Variants in ADPGK observed in about 807,000 individuals in gnomAD.
ADPGK encodes the protein ADP-dependent glucokinase.
ADPGK carries 26 observed loss-of-function variants against 42.4 expected under a neutral mutation model. The ratio of observed to expected loss-of-function variants is 0.61; its 90% CI spans 0.45 to 0.85. The LOEUF is 0.85. Among genes scored for constraint, ADPGK ranks in the 40% least tolerant of loss-of-function variants. ADPGK has a pLI of 0.00. For synonymous variants in ADPGK, 267 were observed against 252.6 expected (o/e 1.06, Z -0.54); for missense variants, 571 against 627.0 (o/e 0.91, Z 0.95).
Position 72,752,187 on chromosome 15 carries a change from G to T in ADPGK, c.*154C>A. ...ATTAGCTAAATTCGGATTAAAATCT[G>T]AAATGTTTTTATGGAGTTGCCAACA... On this transcript the variant is annotated 3_prime_UTR_variant, in exon 7 of 7. Transcript: ENST00000456471. 1.3e-6 allele frequency: 1 copy of T among 786,024 alleles called. No homozygotes were observed. Among genetic ancestry groups the T allele is most frequent in the Non-Finnish European group, 1.9e-6 (1 of 515,056 alleles). The allele number at this position is 786,024 out of a possible 1,614,324, so 48.7% of individuals were successfully genotyped here.
At chr15:72,771,437 G>T (rs577390369) in intron 3 of ADPGK, among the ~76,000 whole-genome samples, 2 of 152,270 alleles carry the variant, frequency 1.3e-5, no homozygotes, top group East Asian at 3.9e-4. Context: ...GACTGCCTGG[G>T]TTAAATTTCT....
intron 2 of ADPGK, among the ~76,000 whole-genome samples, chr15:72,773,129 TG>T (rs1219857439): frequency 7.0e-6 from 1 of 143,230 alleles, no homozygotes; most frequent in Non-Finnish European, 1.5e-5. Flanking sequence ...AAAAAAAGGG[TG>T]GGGGGGAGGT....
rs753606130 is a variant in ADPGK, at chr15:72,774,937, A to G, written c.394T>C (p.Phe132Leu). 4.3e-6 allele frequency: 7 copies of G among 1,614,190 alleles called. No homozygotes were observed. The highest frequency in any genetic ancestry group is 2.2e-5 in the South Asian group (2 of 91,080). ...FMGKGAAAER[F>L]FSDKETFHDI... is the part of the protein sequence containing the mutation. Reference sequence around the variant, plus strand: ...TGAAAAGTTTCCTTATCACTGAAGAAGCGCTCAGCAGCTGCTCCCTTCCCC... The same window carrying G: ...TGAAAAGTTTCCTTATCACTGAAGAGGCGCTCAGCAGCTGCTCCCTTCCCC... Residue 132 changes from phenylalanine (F) to leucine (L), a missense_variant, in exon 2 of 7, where the codon TTC becomes CTC. Around this residue, in one of 2 missense-constraint regions of ADPGK, gnomAD observed 434 missense variants for 522.7 expected, o/e 0.83. Coordinates refer to ENST00000456471, the MANE Select transcript of ADPGK (RefSeq NM_001365225.1).
At position 72,783,709 on chromosome 15, in the gene ADPGK, A is replaced by C. The variant is rs557565556; in HGVS notation, c.-18T>G. On this transcript the variant is annotated 5_prime_UTR_variant, in exon 1 of 7. Transcript: ENST00000456471. ...AGCGCCATGGGGACCCAGGCGCCGC[A>C]CCTGCGCGAACCAACTCCTTTCCTA... 263 of 1,447,488 alleles carry C rather than the reference A, an allele frequency of 1.8e-4. No individual in the cohort carries two copies. The highest frequency in any genetic ancestry group is 2.2e-4 in the Non-Finnish European group (249 of 1,107,100). The allele number at this position is 1,447,488 out of a possible 1,614,324, so 89.7% of individuals were successfully genotyped here. A position where few individuals can be genotyped will look rare whatever the true frequency, so the allele number is the denominator to read the frequency against.
chr15:72,757,953 G>T, intron 4 of ADPGK: 3 of 931,908 alleles, frequency 3.2e-6, no homozygotes, highest in Non-Finnish European at 4.9e-6. Flanking sequence ...GAAGAACCGT[G>T]CAGAGCTGCT....
chr15:72,777,885 C>T (rs2066408884), intron 1 of ADPGK, among the ~76,000 whole-genome samples: 1 of 152,038 alleles, frequency 6.6e-6, no homozygotes, highest in Non-Finnish European at 1.5e-5. Flanking sequence ...CCTAATCATA[C>T]CAGGAATACC....
At chr15:72,757,104 A>ACC (rs2066125144) in intron 4 of ADPGK, 1 of 147,758 alleles carries the variant, frequency 6.8e-6, no homozygotes, top group African/African-American at 2.5e-5. Context: ...TAATCCTACC[A>ACC]CCCCTAAGCA....
Position 72,771,773 on chromosome 15 carries a change from C to T in ADPGK, c.522+10G>A. The T allele has an allele frequency of 6.2e-7, 1 of 1,610,504 alleles. No individual in the cohort carries two copies. Among genetic ancestry groups the T allele is most frequent in the Non-Finnish European group, 8.5e-7 (1 of 1,178,148 alleles). Reference sequence around the variant, plus strand: ...AAAGGCATAGGTTTTAATCTAAAAACTTGACCTACCTTTAAATCTGAGTTG... The same window carrying T: ...AAAGGCATAGGTTTTAATCTAAAAATTTGACCTACCTTTAAATCTGAGTTG... On this transcript the variant is annotated intron_variant, in intron 3 of 6. Transcript: ENST00000456471.
intron 4 of ADPGK, chr15:72,758,338 A>T: frequency 1.6e-6 from 1 of 637,356 alleles, no homozygotes; most frequent in Non-Finnish European, 2.9e-6. Context: ...TCAGCCAGTA[A>T]GTCAGCAAAA....
intron 4 of ADPGK, chr15:72,757,932 G>T: frequency 1.3e-6 from 1 of 744,946 alleles, no homozygotes; most frequent in Non-Finnish European, 2.2e-6. Flanking sequence ...TCTTCTGCAA[G>T]GCAAGGATGA....
intron 3 of ADPGK, among the ~76,000 whole-genome samples, chr15:72,769,139 CTG>C (rs141315782): frequency 1.5e-3 from 231 of 152,196 alleles, no homozygotes; most frequent in Non-Finnish European, 2.5e-3. Flanking sequence ...TTTTAGTAAA[CTG>C]AATATGTGAA....
chr15:72,756,722 C>T (rs547895938), intron 4 of ADPGK: 72 of 470,038 alleles, frequency 1.5e-4, no homozygotes, highest in African/African-American at 1.1e-3. Context: ...CAGGAGAGCC[C>T]TACTTGAGCT....
At chr15:72,783,032 G>T (rs2066485797) in intron 1 of ADPGK, 1 of 202,216 alleles carries the variant, frequency 4.9e-6, no homozygotes, top group Non-Finnish European at 8.9e-6. Flanking sequence ...ACTACACGGC[G>T]TTTCGAAAGT....
intron 1 of ADPGK, among the ~76,000 whole-genome samples, chr15:72,775,728 T>G (rs183238649): frequency 3.9e-4 from 59 of 152,258 alleles, no homozygotes; most frequent in African/African-American, 1.4e-3. Context: ...TAGTGGTGTT[T>G]TACAGACTTA....
chr15:72,780,653 G>A (rs1197170412), intron 1 of ADPGK, among the ~76,000 whole-genome samples: 1 of 152,066 alleles, frequency 6.6e-6, no homozygotes, highest in Non-Finnish European at 1.5e-5. Context: ...AAAATTAGCC[G>A]GGTGTGGTGG....
intron 3 of ADPGK, among the ~76,000 whole-genome samples, chr15:72,761,808 C>T (rs2066197280): frequency 1.3e-5 from 2 of 152,024 alleles, no homozygotes; most frequent in South Asian, 4.1e-4. Flanking sequence ...AAGCGACCCT[C>T]CTGCCTCAGC....
chr15:72,753,203 G>T (rs1212457476), intron 6 of ADPGK, among the ~76,000 whole-genome samples: 1 of 152,174 alleles, frequency 6.6e-6, no homozygotes, highest in Non-Finnish European at 1.5e-5. Flanking sequence ...CCTAGCTTTT[G>T]CCACTGCACA....
intron 3 of ADPGK, among the ~76,000 whole-genome samples, chr15:72,761,445 A>G (rs1381272862): frequency 1.3e-5 from 2 of 152,220 alleles, no homozygotes; most frequent in Non-Finnish European, 2.9e-5. Flanking sequence ...ATTAAAGAGC[A>G]TCCCAACTGA....
At chr15:72,768,488 G>T (rs1484999759) in intron 3 of ADPGK, among the ~76,000 whole-genome samples, 1 of 152,074 alleles carries the variant, frequency 6.6e-6, no homozygotes, top group Non-Finnish European at 1.5e-5. Flanking sequence ...CCAACACAGT[G>T]AAACTCCCTC....
Sources: gnomAD v4.1 joint callset for allele counts (sites outside exome capture counted in the v4.1 genomes callset) on GRCh38, gnomAD v4.1.1 for gene constraint, gnomAD v4.1.1 regional missense constraint, MANE v1.5 for transcripts, NCBI Gene and HGNC (gene_info 2026-07-23, HGNC 2026-07-21) for gene names.